The following AGL variants were observed in gnomAD, a reference collection of about 807,000 sequenced individuals.
AGL encodes the protein glycogen debranching enzyme.
In AGL, 128 loss-of-function variants were observed where a neutral mutation model predicts 199.3. That is an observed-to-expected ratio of 0.64 (90% CI 0.56 to 0.74). The LOEUF (loss-of-function observed/expected upper bound fraction) is 0.74. Among genes scored for constraint, AGL ranks in the 30% least tolerant of loss-of-function variants. The probability of loss-of-function intolerance (pLI) is 0.00; values close to 1 mark genes in which losing one functional copy is unlikely to be tolerated. For missense variants in AGL, 1,809 were observed against 1,820.8 expected, an observed-to-expected ratio of 0.99 and a Z score of 0.12; for synonymous variants, 584 against 594.7, an observed-to-expected ratio of 0.98 and a Z score of 0.26.
chr1:99,912,872 T>G (rs1654847672), intron 29 of AGL, among the ~76,000 whole-genome samples: 1 of 152,180 alleles, frequency 6.6e-6, no homozygotes, highest in South Asian at 2.1e-4. Flanking sequence ...ATTTTAAATT[T>G]TATAGTACCC....
intron 17 of AGL, 78 bp downstream of exon 17, chr1:99,881,769 A>G (rs1652052685): frequency 8.2e-7 from 1 of 1,225,784 alleles, no homozygotes; most frequent in African/African-American, 1.5e-5. Flanking sequence ...ATGGTTATAT[A>G]TCATGTATAT....
In AGL at chr1:99,916,591, T is replaced by G. The variant is rs1328440937; in HGVS notation, c.4348-7T>G. 6.2e-7 allele frequency: 1 copy of G among 1,612,750 alleles called. No individual in the cohort carries two copies. Among genetic ancestry groups the G allele is most frequent in the African/African-American group, 1.3e-5 (1 of 74,862 alleles). ...GTTTTTTTTGTCTTTTAAATAATCTTTTTTAGGAGTGGCTGTGGCCTATTG... is the reference window on the plus strand; with the variant it reads ...GTTTTTTTTGTCTTTTAAATAATCTGTTTTAGGAGTGGCTGTGGCCTATTG... On this transcript the variant is annotated splice_polypyrimidine_tract_variant and splice_region_variant and intron_variant, in intron 32 of 33. Transcript: ENST00000361915.
chr1:99,879,863 A>G, intron 12 of AGL, 60 bp from the exon 13 acceptor site: 1 of 1,420,624 alleles, frequency 7.0e-7, no homozygotes, highest in South Asian at 1.2e-5. Context: ...CCTTCCTCCT[A>G]TCTTGCTTTT....
At position 99,884,730 on chromosome 1, in the gene AGL, T is replaced by A. The variant is rs774761325; in HGVS notation, c.2681+27T>A. The A allele has an allele frequency of 8.1e-6, 13 of 1,613,006 alleles. No individual in the cohort carries two copies. In the South Asian group the frequency reaches 1.2e-4, roughly 15 times the overall value. ...TAAGTATGCCTTGTTTGGTAGAGAT[T>A]TGCCACCTTAATAAGTAAGTTACCA... On this transcript the variant is annotated intron_variant, in intron 20 of 33. Transcript: ENST00000361915.
intron 5 of AGL, among the ~76,000 whole-genome samples, chr1:99,866,530 C>T (rs1274366545): frequency 6.6e-6 from 1 of 152,136 alleles, no homozygotes; most frequent in East Asian, 1.9e-4. Flanking sequence ...CATATTGCAT[C>T]ACAGGAATTT....
chr1:99,856,769 A>G (rs952591017), intron 2 of AGL, among the ~76,000 whole-genome samples: 8 of 152,232 alleles, frequency 5.3e-5, no homozygotes, highest in African/African-American at 1.9e-4. Context: ...GGGTAAGGTC[A>G]TAGATCAACA....
chr1:99,852,178 C>T (rs1404058989), intron 2 of AGL, among the ~76,000 whole-genome samples: 1 of 152,004 alleles, frequency 6.6e-6, no homozygotes, highest in Non-Finnish European at 1.5e-5. Context: ...AGTCTCATGG[C>T]CTCAACTGTT....
Position 99,851,400 on chromosome 1 carries a change from T to C in AGL, c.82+276T>C, listed in dbSNP as rs140914380. Among the ~76,000 whole-genome samples the C allele has an allele frequency of 5.7e-3, 871 of 152,332 alleles. 10 individuals are homozygous for C. The highest frequency in any genetic ancestry group is 0.02 in the African/African-American group (843 of 41,572). On this transcript the variant is annotated intron_variant, in intron 2 of 33. Coordinates refer to ENST00000361915, the MANE Select transcript of AGL (RefSeq NM_000642.3). ...CTTAAGATTGAAGTTAAATATATGA[T>C]CAGAAGATTGCCCATATTATTTCTA...
intron 24 of AGL, among the ~76,000 whole-genome samples, chr1:99,895,346 AC>A (rs1653214491): frequency 6.6e-6 from 1 of 152,198 alleles, no homozygotes; most frequent in Non-Finnish European, 1.5e-5. Context: ...CATTAATCAT[AC>A]TATTTTATCT....
Position 99,892,489 on chromosome 1 carries a change from G to T in AGL, c.3141G>T (p.Leu1047=), listed in dbSNP as rs756930451. ...ACCTTTCATTGGGTTCAGTTCAACTGTGTGGAGTAGGAAAATTCCCTTCCC... is the reference window on the plus strand; with the variant it reads ...ACCTTTCATTGGGTTCAGTTCAACTTTGTGGAGTAGGAAAATTCCCTTCCC... ...VKHLSLGSVQ[L]CGVGKFPSLP... Residue 1047 remains leucine, a synonymous_variant, in exon 24 of 34, where the codon CTG becomes CTT. Coordinates refer to ENST00000361915, the MANE Select transcript of AGL (RefSeq NM_000642.3). The T allele has an allele frequency of 5.6e-6, 9 of 1,613,498 alleles. No individual in the cohort carries two copies. The highest frequency in any genetic ancestry group is 5.1e-6 in the Non-Finnish European group (6 of 1,179,696).
intron 2 of AGL, 197 bp from the exon 3 acceptor site, chr1:99,861,306 G>A (rs1390094506): frequency 6.9e-7 from 1 of 1,444,414 alleles, no homozygotes; most frequent in African/African-American, 1.4e-5. Flanking sequence ...GCTCTATGAT[G>A]TTTACTATAC....
At position 99,921,891 on chromosome 1, in the gene AGL, T is replaced by C. The variant is rs185574666; in HGVS notation, c.*240T>C. ...ATGTGTTTGAGTTCAGTAAGAATTA[T>C]TCAAATGCCTAGAAATCCATAGTTT... is the stretch of plus-strand genomic sequence containing the variant. On this transcript the variant is annotated 3_prime_UTR_variant, in exon 34 of 34. Coordinates refer to ENST00000361915, the MANE Select transcript of AGL (RefSeq NM_000642.3). 141 of 309,906 alleles carry C rather than the reference T, an allele frequency of 4.5e-4. No individual in the cohort carries two copies. Among genetic ancestry groups the C allele is most frequent in the African/African-American group, 2.7e-3 (126 of 46,446 alleles). 19.2% of individuals were successfully genotyped at this position (309,906 alleles called of 1,614,324 possible).
chr1:99,881,243 A>G (rs781167792), intron 15 of AGL, 49 bp from the exon 16 acceptor site: 1 of 1,613,762 alleles, frequency 6.2e-7, no homozygotes. Context: ...TATTAAAAAA[A>G]ATTCATTGTA....
chr1:99,892,319 A>T, intron 23 of AGL, 113 bp from the exon 24 acceptor site: 1 of 947,638 alleles, frequency 1.1e-6, no homozygotes, highest in Non-Finnish European at 1.6e-6. Context: ...AAGTAATATT[A>T]CTATTGTTAT....
Position 99,875,247 on chromosome 1 carries a change from T to G in AGL, c.1176T>G (p.His392Gln), listed in dbSNP as rs1183612225. Residue 392 changes from histidine to glutamine, a missense_variant, in exon 9 of 34, where the codon CAT becomes CAG. Physicochemically the swap from His to Gln is conservative, Grantham distance 24. Coordinates refer to ENST00000361915, the MANE Select transcript of AGL (RefSeq NM_000642.3). ...NSEKHRLINY[H>Q]QEQAVNCLLG... Reference sequence around the variant, plus strand: ...AGAAGCATCGACTCATTAACTATCATCAGGAACAGGTTTTACTTATTTTTG... The same window carrying G: ...AGAAGCATCGACTCATTAACTATCAGCAGGAACAGGTTTTACTTATTTTTG... 1 of 1,613,996 alleles carries G rather than the reference T, an allele frequency of 6.2e-7. No homozygotes were observed. Among genetic ancestry groups the G allele is most frequent in the Non-Finnish European group, 8.5e-7 (1 of 1,179,848 alleles).
chr1:99,900,042 G>T (rs183803602), intron 25 of AGL, among the ~76,000 whole-genome samples: 2 of 151,742 alleles, frequency 1.3e-5, no homozygotes, highest in South Asian at 2.1e-4. Flanking sequence ...CAATTCTCTT[G>T]CCTAAGCCTT....
chr1:99,856,298 T>C (rs923149180), intron 2 of AGL, among the ~76,000 whole-genome samples: 6 of 112,726 alleles, frequency 5.3e-5, no homozygotes, highest in African/African-American at 1.7e-4. Flanking sequence ...TAACATCCCT[T>C]CCTTCCTTCC....
rs149339480 is a variant in AGL, at chr1:99,905,538, T to C, written c.3700+2744T>C. 3.8e-3 allele frequency among the ~76,000 whole-genome samples: 586 copies of C among 152,312 alleles called. 1 individual carries two copies. Among genetic ancestry groups the C allele is most frequent in the Non-Finnish European group, 7.3e-3 (499 of 68,018 alleles). ...TCATTGGCCATCCATCTTCCCTCTT[T>C]GCTGAAATGTCGGTTCACGTATTTT... is the stretch of plus-strand genomic sequence containing the variant. On this transcript the variant is annotated intron_variant, in intron 27 of 33. Coordinates refer to ENST00000361915, the MANE Select transcript of AGL (RefSeq NM_000642.3).
chr1:99,902,604 T>A, intron 26 of AGL, 79 bp from the exon 27 acceptor site: 3 of 1,133,288 alleles, frequency 2.6e-6, no homozygotes, highest in Non-Finnish European at 4.0e-6. Context: ...ATTTTCACAT[T>A]ACTTCAGTTG....
Sources: gnomAD v4.1 joint callset for allele counts (sites outside exome capture counted in the v4.1 genomes callset) on GRCh38, gnomAD v4.1.1 for gene constraint, MANE v1.5 for transcripts, NCBI Gene and HGNC (gene_info 2026-07-23, HGNC 2026-07-21) for gene names.